The following PTCD1 variants were observed in gnomAD, a reference collection of about 807,000 sequenced individuals.
The protein encoded by PTCD1 is pentatricopeptide repeat-containing protein 1, mitochondrial.
Under a neutral mutation model 53.4 loss-of-function variants are expected in PTCD1, and 50 were observed. That is an observed-to-expected ratio of 0.94 (90% CI 0.75 to 1.19). The LOEUF is 1.19. Ranked by LOEUF, PTCD1 falls within the 50% of genes most tolerant of loss-of-function variation. The probability of loss-of-function intolerance (pLI) is 0.00; values close to 1 mark genes in which losing one functional copy is unlikely to be tolerated. For missense variants in PTCD1, 918 were observed against 904.8 expected (o/e 1.01, Z -0.19); for synonymous variants, 413 against 394.8 (o/e 1.05, Z -0.55).
At chr7:99,433,212 G>A (rs2082668432) in intron 3 of PTCD1, 66 bp downstream of exon 3, 2 of 1,612,900 alleles carry the variant, frequency 1.2e-6, no homozygotes, top group Admixed American at 3.3e-5. Flanking sequence ...ACTAGCAAGT[G>A]GCACACTTGG....
At chr7:99,433,135 A>G (rs1053450210) in intron 3 of PTCD1, 143 bp downstream of exon 3, 22 of 1,331,342 alleles carry the variant, frequency 1.7e-5, no homozygotes, top group Non-Finnish European at 2.3e-5. Flanking sequence ...TATCACCCAC[A>G]ATCACCACCA....
In PTCD1 at chr7:99,417,985, C is replaced by A. The variant is rs1795601058; in HGVS notation, c.*1982G>T. On this transcript the variant is annotated 3_prime_UTR_variant, in exon 8 of 8. Transcript: ENST00000292478. ...ACCATCACTATCTTTCCCGCCCCCCCAAGACGGAGTCTTGCTTTGTCGCCC... is the reference window on the plus strand; with the variant it reads ...ACCATCACTATCTTTCCCGCCCCCCAAAGACGGAGTCTTGCTTTGTCGCCC... The A allele has an allele frequency of 1.7e-6, 2 of 1,174,054 alleles. No individual in the cohort carries two copies. The highest frequency in any genetic ancestry group is 2.1e-6 in the Non-Finnish European group (2 of 938,322). 72.7% of individuals were successfully genotyped at this position (1,174,054 alleles called of 1,614,324 possible). A position where few individuals can be genotyped will look rare whatever the true frequency, so the allele number is the denominator to read the frequency against.
At chr7:99,429,231 C>T (rs773600063) in intron 4 of PTCD1, 27 bp from the exon 5 acceptor site, 1 of 1,613,082 alleles carries the variant, frequency 6.2e-7, no homozygotes, top group East Asian at 2.2e-5. Flanking sequence ...AGACGTCCCA[C>T]TGAGAACCTG....
rs1360932972 is a variant in PTCD1, at chr7:99,419,095, C to G, written c.*872G>C. 2 of 457,064 alleles carry G rather than the reference C, an allele frequency of 4.4e-6. No homozygotes were observed. Among genetic ancestry groups the G allele is most frequent in the Non-Finnish European group, 8.0e-6 (2 of 248,626 alleles). 28.3% of individuals were successfully genotyped at this position (457,064 alleles called of 1,614,324 possible). ...CGCAGGGTCTGTCATGCTCACTTAG[C>G]AGAATAACGAGACTCATTCACACCG... On this transcript the variant is annotated 3_prime_UTR_variant, in exon 8 of 8. Coordinates refer to ENST00000292478, the MANE Select transcript of PTCD1 (RefSeq NM_015545.4).
intron 6 of PTCD1, 148 bp from the exon 7 acceptor site, chr7:99,424,105 C>T (rs1169970753): frequency 2.5e-6 from 3 of 1,180,548 alleles, no homozygotes; most frequent in South Asian, 2.6e-5. Context: ...GAATATCCCT[C>T]TCCAGCAGGA....
Position 99,425,018 on chromosome 7 carries a change from G to A in PTCD1, c.1514C>T (p.Ser505Phe), listed in dbSNP as rs114157830. The change falls in exon 6 of 8, where the codon TCC becomes TTC. Residue 505 changes from serine to phenylalanine, a missense_variant. Transcript: ENST00000292478. The part of the protein sequence containing the change: ...EVVESGSPAE[S>F]LLLALLDEHQ... Reference sequence around the variant, plus strand: ...CTCATCCAGGAGGGCCAGCAGCAAGGACTCTGCAGGACTCCCGGACTCCAC... The same window carrying A: ...CTCATCCAGGAGGGCCAGCAGCAAGAACTCTGCAGGACTCCCGGACTCCAC... 8.8e-4 allele frequency: 1,426 copies of A among 1,614,224 alleles called. 7 individuals carry two copies. The African/African-American group carries it at 0.017, about 19-fold the overall frequency.
chr7:99,430,932 A>T (rs1017513258), intron 3 of PTCD1, among the ~76,000 whole-genome samples: 1 of 151,992 alleles, frequency 6.6e-6, no homozygotes, highest in Non-Finnish European at 1.5e-5. Flanking sequence ...AAAATTAGCC[A>T]GGCATGGTGG....
Position 99,425,457 on chromosome 7 carries a change from T to C in PTCD1, c.1075A>G (p.Ser359Gly). 2.5e-6 allele frequency: 4 copies of C among 1,613,664 alleles called. No individual in the cohort carries two copies. The East Asian group carries it at 8.9e-5, about 36-fold the overall frequency. Residue 359 changes from serine to glycine, a missense_variant, in exon 6 of 8, where the codon AGC becomes GGC. Physicochemically the swap from Ser to Gly is moderately conservative, Grantham distance 56. Transcript: ENST00000292478. ...GCTGTCCTCCTTGGCCGCTGCCTGC[T>C]CACTGGGGGCTGAAGCACAGTCGCC... ...EEATVLQPPV[S>G]RQRPRRTAQA...
rs906874296 is a variant in PTCD1, at chr7:99,424,713, G to A, written c.1737+82C>T. 8 of 1,550,584 alleles carry A rather than the reference G, an allele frequency of 5.2e-6. No homozygotes were observed. The African/African-American group carries it at 9.5e-5, about 18-fold the overall frequency. On this transcript the variant is annotated intron_variant, in intron 6 of 7. Transcript: ENST00000292478. ...TTCATCCTCTCCAGGTGGGGGGTCT[G>A]CAGACCCCTCAAACTTTCCTCCTGA...
At chr7:99,428,633 C>T (rs1226532558) in intron 5 of PTCD1, among the ~76,000 whole-genome samples, 1 of 151,748 alleles carries the variant, frequency 6.6e-6, no homozygotes, top group Non-Finnish European at 1.5e-5. Flanking sequence ...CTCAACTACT[C>T]GGGAGGCTGA....
In PTCD1 at chr7:99,425,589, G is replaced by A; in HGVS notation, c.943C>T (p.Leu315=). 6.2e-7 allele frequency: 1 copy of A among 1,609,900 alleles called. No homozygotes were observed. ...TTGTAGCTGTCCCGGCTCGGCTGTA[G>A]CCCTAGACTCAGCATCAGCCGCCAC... is the stretch of plus-strand genomic sequence containing the variant. ...QVWRLMLSLG[L]QPSRDSYNLL... Residue 315 remains leucine, a synonymous_variant, in exon 6 of 8, where the codon CTA becomes TTA. Transcript: ENST00000292478.
chr7:99,430,818 T>C (rs1391422440), intron 3 of PTCD1, among the ~76,000 whole-genome samples: 1 of 152,178 alleles, frequency 6.6e-6, no homozygotes, highest in Admixed American at 6.5e-5. Context: ...ACGCCTATAA[T>C]CCCAGCACTT....
rs369357159 is a variant in PTCD1 at position 99,419,486 on chromosome 7, C to A, written c.*481G>T. On this transcript the variant is annotated 3_prime_UTR_variant, in exon 8 of 8. Coordinates refer to ENST00000292478, the MANE Select transcript of PTCD1 (RefSeq NM_015545.4). ...GGACTCTGGACTTCGCAGGTTCCTGCCTGTCACGCCACCCCCTTCCTGGGA... is the reference window on the plus strand; with the variant it reads ...GGACTCTGGACTTCGCAGGTTCCTGACTGTCACGCCACCCCCTTCCTGGGA... The A allele has an allele frequency of 1.7e-5, 27 of 1,602,708 alleles. 1 individual carries two copies. Among genetic ancestry groups the A allele is most frequent in the East Asian group, 1.6e-4 (7 of 44,864 alleles).
At chr7:99,426,531 GGCTC>G (rs1371659146) in intron 5 of PTCD1, among the ~76,000 whole-genome samples, 2 of 152,128 alleles carry the variant, frequency 1.3e-5, no homozygotes, top group Admixed American at 1.3e-4. Flanking sequence ...GCGTGATCTC[GGCTC>G]GCTACAACCT....
Position 99,429,642 on chromosome 7 carries a change from C to A in PTCD1, c.759G>T (p.Leu253=). 3.1e-6 allele frequency: 5 copies of A among 1,614,222 alleles called. No individual in the cohort carries two copies. Among genetic ancestry groups the A allele is most frequent in the Non-Finnish European group, 4.2e-6 (5 of 1,180,042 alleles). ...FELNLKTYHA[L]LKMAAKCADL... The stretch of plus-strand genomic sequence containing the variant: ...CTGCGCACTTGGCAGCCATCTTCAG[C>A]AGCGCGTGGTATGTTTTCAAGTTGA... The change falls in exon 4 of 8, where the codon CTG becomes CTT. Residue 253 remains leucine, a synonymous_variant. Transcript: ENST00000292478.
Position 99,435,141 on chromosome 7 carries a change from G to A in PTCD1, c.102C>T (p.Gly34=). 1 of 1,601,022 alleles carries A rather than the reference G, an allele frequency of 6.2e-7. No individual in the cohort carries two copies. The highest frequency in any genetic ancestry group is 8.5e-7 in the Non-Finnish European group (1 of 1,175,162). The change falls in exon 2 of 8, where the codon GGC becomes GGT. Residue 34 remains glycine (G), a synonymous_variant. Coordinates refer to ENST00000292478, the MANE Select transcript of PTCD1 (RefSeq NM_015545.4). ...LDPCRARWAG[G]REGLMRPMWA... is the part of the protein sequence containing the mutation. ...ACATTGGCCGCATCAGCCCCTCCCT[G>A]CCTCCTGCCCACCTGGCTCTACAGG...
At chr7:99,433,245 G>C (rs747174597) in intron 3 of PTCD1, 33 bp downstream of exon 3, 2 of 1,614,062 alleles carry the variant, frequency 1.2e-6, no homozygotes, top group South Asian at 2.2e-5. Context: ...GCTTTTCAGA[G>C]CCTCACCCCG....
intron 1 of PTCD1, among the ~76,000 whole-genome samples, chr7:99,437,285 C>G (rs1796514706): frequency 6.6e-6 from 1 of 151,778 alleles, no homozygotes; most frequent in Admixed American, 6.6e-5. Context: ...ATTTTCAATG[C>G]ATGAAATAAC....
Position 99,417,626 on chromosome 7 carries a change from T to C in PTCD1, c.*2341A>G. The C allele has an allele frequency of 6.2e-7, 1 of 1,606,736 alleles. No homozygotes were observed. Among genetic ancestry groups the C allele is most frequent in the Non-Finnish European group, 8.5e-7 (1 of 1,179,782 alleles). Reference sequence around the variant, plus strand: ...GTCTGACACTCAAGCTTGGTGTTGTTTTCAGCTCAAAATTCTGCCTTAGTC... The same window carrying C: ...GTCTGACACTCAAGCTTGGTGTTGTCTTCAGCTCAAAATTCTGCCTTAGTC... On this transcript the variant is annotated 3_prime_UTR_variant, in exon 8 of 8. Coordinates refer to ENST00000292478, the MANE Select transcript of PTCD1 (RefSeq NM_015545.4).
Sources: allele counts gnomAD v4.1 joint callset (sites outside exome capture counted in the v4.1 genomes callset), GRCh38; gene constraint gnomAD v4.1.1; transcripts MANE v1.5; gene names NCBI Gene and HGNC (gene_info 2026-07-23, HGNC 2026-07-21).